SAMD5: variants seen among roughly 807,000 people sequenced by gnomAD.
The protein encoded by SAMD5 is sterile alpha motif domain-containing protein 5.
SAMD5 carries 13 observed loss-of-function variants against 11.3 expected under a neutral mutation model. The ratio of observed to expected loss-of-function variants is 1.15; its 90% CI spans 0.75 to 1.83. SAMD5 has a LOEUF of 1.83. Among genes scored for constraint, SAMD5 ranks in the 40% most tolerant of loss-of-function variants. The pLI, the probability that SAMD5 is intolerant of heterozygous loss-of-function variation, is 0.00. For synonymous variants in SAMD5, 129 were observed against 111.3 expected (o/e 1.16, Z -1.00); for missense variants, 255 against 239.1 (o/e 1.07, Z -0.44).
chr6:147,730,179 T>TG, intron 1 of SAMD5: 1 of 413,748 alleles, frequency 2.4e-6, no homozygotes, highest in South Asian at 1.8e-5. Context: ...GAAAGAGCCT[T>TG]GGGGGCATGC....
At chr6:147,782,510 C>T in the SAMD5 span, among the ~76,000 whole-genome samples, 3 of 152,112 alleles carry the variant, frequency 2.0e-5, no homozygotes, top group Non-Finnish European at 4.4e-5. Context: ...TTAATTCAGC[C>T]ATGACATCCT....
the SAMD5 span, among the ~76,000 whole-genome samples, chr6:147,862,352 A>G: frequency 6.6e-6 from 1 of 152,080 alleles, no homozygotes; most frequent in Admixed American, 6.5e-5. Context: ...CTATCCTTTG[A>G]CAGTTTCTAA....
intron 1 of SAMD5, among the ~76,000 whole-genome samples, chr6:147,633,129 G>GA (rs763832539): frequency 4.6e-5 from 7 of 152,130 alleles, no homozygotes; most frequent in Non-Finnish European, 7.4e-5. Flanking sequence ...GGGAAACATT[G>GA]AAAAAATAGA....
chr6:147,796,877 T>A, the SAMD5 span, among the ~76,000 whole-genome samples: 1 of 149,836 alleles, frequency 6.7e-6, no homozygotes, highest in East Asian at 1.9e-4. Context: ...TTCTCTGTTG[T>A]TGGTGTATAG....
the SAMD5 span, among the ~76,000 whole-genome samples, chr6:147,921,126 C>T: frequency 6.6e-6 from 1 of 152,118 alleles, no homozygotes; most frequent in Non-Finnish European, 1.5e-5. Flanking sequence ...GCTGAATAGC[C>T]AGTGTCCTCA....
intron 1 of SAMD5, among the ~76,000 whole-genome samples, chr6:147,734,469 C>A (rs1306093500): frequency 2.0e-5 from 3 of 152,084 alleles, no homozygotes; most frequent in Admixed American, 1.3e-4. Flanking sequence ...GTAATCCCAG[C>A]ATTCTGGGAG....
chr6:147,515,476 T>C (rs573522920), intron 1 of SAMD5, among the ~76,000 whole-genome samples: 5 of 149,168 alleles, frequency 3.4e-5, no homozygotes, highest in African/African-American at 1.2e-4. Flanking sequence ...ATCCATCCAT[T>C]CATTTATTCA....
intron 1 of SAMD5, among the ~76,000 whole-genome samples, chr6:147,627,895 A>G (rs1045943616): frequency 1.3e-4 from 20 of 152,200 alleles, no homozygotes; most frequent in Non-Finnish European, 2.9e-4. Context: ...TCTTCTTTGA[A>G]CAGATGTTTC....
At chr6:147,764,923 C>T in the SAMD5 span, among the ~76,000 whole-genome samples, 1 of 152,072 alleles carries the variant, frequency 6.6e-6, no homozygotes, top group Non-Finnish European at 1.5e-5. Context: ...TGGTTTGATA[C>T]CATCTCACTG....
intron 1 of SAMD5, among the ~76,000 whole-genome samples, chr6:147,706,918 C>T (rs1454208000): frequency 6.6e-6 from 1 of 152,176 alleles, no homozygotes; most frequent in Non-Finnish European, 1.5e-5. Flanking sequence ...ATATTTTGGG[C>T]CCACACTATT....
At chr6:147,514,750 A>G (rs1001452854) in intron 1 of SAMD5, among the ~76,000 whole-genome samples, 1 of 152,140 alleles carries the variant, frequency 6.6e-6, no homozygotes, top group Non-Finnish European at 1.5e-5. Context: ...TGTACCAATT[A>G]AAATTGTTTG....
At chr6:147,664,259 A>T (rs1790686151) in intron 1 of SAMD5, among the ~76,000 whole-genome samples, 1 of 152,162 alleles carries the variant, frequency 6.6e-6, no homozygotes, top group Non-Finnish European at 1.5e-5. Context: ...AGAGACTAAA[A>T]AATCTGATTT....
chr6:147,802,882 G>C, the SAMD5 span, among the ~76,000 whole-genome samples: 1 of 152,208 alleles, frequency 6.6e-6, no homozygotes, highest in African/African-American at 2.4e-5. Context: ...ATTGCCTTTT[G>C]TGGACTAGGG....
chr6:147,676,897 G>C lies in SAMD5; in HGVS notation c.163-60420G>C, dbSNP rs1790871491. On this transcript the variant is annotated intron_variant, in intron 1 of 1. Transcript: ENST00000566741. The stretch of plus-strand genomic sequence containing the variant: ...GGGCTGGATGAAATACAGAATTGAG[G>C]GAGGGGGAGTGAGAGTAAGAAATGA... Among the ~76,000 whole-genome samples the C allele has an allele frequency of 2.0e-5, 3 of 151,776 alleles. No homozygotes were observed. In the South Asian group the frequency reaches 6.3e-4, roughly 32 times the overall value.
chr6:147,896,144 G>C, the SAMD5 span, among the ~76,000 whole-genome samples: 8 of 152,156 alleles, frequency 5.3e-5, no homozygotes, highest in Non-Finnish European at 7.4e-5. Context: ...CTATTTTCCT[G>C]TTACTTTCTG....
intron 1 of SAMD5, among the ~76,000 whole-genome samples, chr6:147,668,855 T>C (rs1255711245): frequency 4.6e-5 from 7 of 152,210 alleles, no homozygotes; most frequent in Admixed American, 4.6e-4. Flanking sequence ...AACAAAGTTA[T>C]ATCTATACTA....
At position 147,620,692 on chromosome 6, in the gene SAMD5, G is replaced by A. The variant is rs569257298; in HGVS notation, c.162+111305G>A. Among the ~76,000 whole-genome samples, 29 of 152,310 alleles carry A rather than the reference G, an allele frequency of 1.9e-4. No homozygotes were observed. The South Asian group carries it at 6.0e-3, about 32-fold the overall frequency. ...CTCACTGGTGTGCTGGGAGTTGAAGGCAGGTGAATTAAGTAGCCATCGCCT... is the reference window on the plus strand; with the variant it reads ...CTCACTGGTGTGCTGGGAGTTGAAGACAGGTGAATTAAGTAGCCATCGCCT... On this transcript the variant is annotated intron_variant, in intron 1 of 1. Coordinates refer to the SAMD5 transcript ENST00000566741.
the SAMD5 span, among the ~76,000 whole-genome samples, chr6:147,800,290 C>T: frequency 6.6e-6 from 1 of 152,180 alleles, no homozygotes; most frequent in Non-Finnish European, 1.5e-5. Flanking sequence ...TTCTAACAGA[C>T]AGGACCCTCA....
chr6:147,624,331 C>T (rs1790017842), intron 1 of SAMD5, among the ~76,000 whole-genome samples: 1 of 152,116 alleles, frequency 6.6e-6, no homozygotes, highest in South Asian at 2.1e-4. Context: ...CCTAGCCCAC[C>T]CCCCAGGGGA....
Sources: allele counts gnomAD v4.1 joint callset (sites outside exome capture counted in the v4.1 genomes callset), GRCh38; gene constraint gnomAD v4.1.1; transcripts MANE v1.5; gene names NCBI Gene and HGNC (gene_info 2026-07-23, HGNC 2026-07-21).